The following CLPTM1L variants were observed in gnomAD, a reference collection of about 807,000 sequenced individuals.
CLPTM1L encodes the protein CLPTM1 like.
CLPTM1L carries 38 observed loss-of-function variants against 70.9 expected under a neutral mutation model. That is an observed-to-expected ratio of 0.54 (90% confidence interval 0.41 to 0.70). The LOEUF is 0.70. CLPTM1L is among the 30% of genes least tolerant of loss of function. CLPTM1L has a pLI of 0.00. For missense variants in CLPTM1L, 652 were observed against 705.9 expected, an observed-to-expected ratio of 0.92 and a Z score of 0.87; for synonymous variants, 339 against 299.9, an observed-to-expected ratio of 1.13 and a Z score of -1.35.
chr5:1,322,757 TG>T, intron 13 of CLPTM1L, 119 bp downstream of exon 13: 1 of 994,242 alleles, frequency 1.0e-6, no homozygotes, highest in Non-Finnish European at 1.6e-6. Context: ...CAGAACAGGG[TG>T]GGGAGGGATT....
In CLPTM1L at chr5:1,341,788, G is replaced by A. The variant is rs762040634; in HGVS notation, c.336C>T (p.His112=). The A allele has an allele frequency of 7.5e-5, 121 of 1,613,942 alleles. No individual in the cohort carries two copies. The highest frequency in any genetic ancestry group is 9.4e-5 in the Non-Finnish European group (111 of 1,179,988). Residue 112 remains histidine, a synonymous_variant, in exon 3 of 17, where the codon CAC becomes CAT. Transcript: ENST00000320895. ...GTLYAYIFLH[H]AGVLPWHDGK... is the part of the protein sequence containing the mutation. ...CGTCGTGCCACGGCAGGACCCCAGC[G>A]TGATGGAGGAAGATGTAGGCATACA...
At chr5:1,323,348 G>C (rs542630996) in intron 12 of CLPTM1L, among the ~76,000 whole-genome samples, 2 of 131,412 alleles carry the variant, frequency 1.5e-5, no homozygotes, top group Non-Finnish European at 3.6e-5. Context: ...CAGAGGCTGG[G>C]GGCTCCGGGA....
At position 1,318,405 on chromosome 5, in the gene CLPTM1L, G is replaced by A. The variant is rs376849052; in HGVS notation, c.1581C>T (p.Tyr527=). ...GGGGCGCCCGCGTGGCCTTCTCCTC[G>A]TAGGACTCCCCAAACTCGTTCACTC... ...KRRVNEFGES[Y]EEKATRAPHT... Residue 527 remains tyrosine (Y), a synonymous_variant, in exon 17 of 17, where the codon TAC becomes TAT. Transcript: ENST00000320895. This position sits in a 1 kb window ranked among gnomAD's most constrained non-coding sequence, Gnocchi z 8.9. 2.7e-5 allele frequency: 43 copies of A among 1,613,728 alleles called. No individual in the cohort carries two copies. Among genetic ancestry groups the A allele is most frequent in the Middle Eastern group, 1.6e-4 (1 of 6,084 alleles).
rs1560873165 is a variant in CLPTM1L at position 1,342,045 on chromosome 5, CGCACGCGT to C, written c.264-193_264-186del. On this transcript the variant is annotated intron_variant, in intron 2 of 16. Transcript: ENST00000320895. The surrounding 1 kb of genome is among the most constrained non-coding windows in gnomAD (Gnocchi z 4.3). ...GTGTGTGTGTGTGTGTGTGTGCACG[CGCACGCGT>C]GCGCGTCCTGAGAACTCGGCACAGG... is the stretch of plus-strand genomic sequence containing the variant. 3.8e-5 allele frequency among the ~76,000 whole-genome samples: 5 copies of C among 132,564 alleles called. No homozygotes were observed. The highest frequency in any genetic ancestry group is 2.2e-4 in the South Asian group (1 of 4,616). 87.0% of individuals were successfully genotyped at this position (132,564 alleles called of 152,430 possible).
At chr5:1,335,751 G>GC (rs1210375550) in intron 5 of CLPTM1L, among the ~76,000 whole-genome samples, 1 of 152,182 alleles carries the variant, frequency 6.6e-6, no homozygotes, top group African/African-American at 2.4e-5. Flanking sequence ...CCTGCAGCCT[G>GC]CCGGGGCCTC....
intron 11 of CLPTM1L, 70 bp from the exon 12 acceptor site, chr5:1,323,939 GCTCACCC>G (rs1471942147): frequency 1.4e-5 from 17 of 1,190,018 alleles, no homozygotes; most frequent in Non-Finnish European, 2.1e-5. Context: ...ACTGCATGGA[GCTCACCC>G]CGACAGGGAC....
In CLPTM1L at chr5:1,337,964, G is replaced by T; in HGVS notation, c.618C>A (p.Thr206=). 6.2e-7 allele frequency: 1 copy of T among 1,607,186 alleles called. No homozygotes were observed. Residue 206 remains threonine, a synonymous_variant, in exon 5 of 17, where the codon ACC becomes ACA. Transcript: ENST00000320895. ...TGAACAGGATGGGCAGGTAATGCAC[G>T]GTTTTCCCCAGCTGGATCCTGGGAT... ...RYMKMIQLGK[T]VHYLPILFID...
chr5:1,337,970 C>T lies in CLPTM1L; in HGVS notation c.612G>A (p.Gly204=), dbSNP rs1359615638. Residue 204 remains glycine (G), a synonymous_variant, in exon 5 of 17, where the codon GGG becomes GGA. Coordinates refer to ENST00000320895, the MANE Select transcript of CLPTM1L (RefSeq NM_030782.5). Reference sequence around the variant, plus strand: ...GGATGGGCAGGTAATGCACGGTTTTCCCCAGCTGGATCCTGGGATTAAAGC... The same window carrying T: ...GGATGGGCAGGTAATGCACGGTTTTTCCCAGCTGGATCCTGGGATTAAAGC... ...VHRYMKMIQL[G]KTVHYLPILF... is the part of the protein sequence containing the mutation. 1 of 1,606,394 alleles carries T rather than the reference C, an allele frequency of 6.2e-7. No homozygotes were observed. Among genetic ancestry groups the T allele is most frequent in the Non-Finnish European group, 8.5e-7 (1 of 1,177,482 alleles).
intron 7 of CLPTM1L, chr5:1,332,307 G>A (rs1169575173): frequency 5.7e-6 from 1 of 176,288 alleles, no homozygotes; most frequent in Non-Finnish European, 1.2e-5. Context: ...CAAGGCCAAG[G>A]CCAAAGGACC....
In CLPTM1L at chr5:1,321,309, A is replaced by T. The variant is rs140325844; in HGVS notation, c.1416+326T>A. On this transcript the variant is annotated intron_variant, in intron 15 of 16. Transcript: ENST00000320895. Reference sequence around the variant, plus strand: ...TTCCATTCCTGCCTGGGAGGCCTGAATCCGTTGTCCCCAGGCACCGGTTAC... The same window carrying T: ...TTCCATTCCTGCCTGGGAGGCCTGATTCCGTTGTCCCCAGGCACCGGTTAC... Among the ~76,000 whole-genome samples, 803 of 152,360 alleles carry T rather than the reference A, an allele frequency of 5.3e-3. 5 individuals are homozygous for T. The highest frequency in any genetic ancestry group is 0.018 in the African/African-American group (752 of 41,598).
In CLPTM1L at chr5:1,342,469, G is replaced by T; in HGVS notation, c.264-609C>A. Reference sequence around the variant, plus strand: ...AAAGGCCCGGCGAGCTGCTACAACTGTAGGCCTCGGACCAGGTGCCTGGCT... The same window carrying T: ...AAAGGCCCGGCGAGCTGCTACAACTTTAGGCCTCGGACCAGGTGCCTGGCT... On this transcript the variant is annotated intron_variant, in intron 2 of 16. Transcript: ENST00000320895. This position sits in a 1 kb window ranked among gnomAD's most constrained non-coding sequence, Gnocchi z 4.3. 6.6e-6 allele frequency among the ~76,000 whole-genome samples: 1 copy of T among 152,218 alleles called. No individual in the cohort carries two copies. The highest frequency in any genetic ancestry group is 2.1e-4 in the South Asian group (1 of 4,832).
chr5:1,321,019 GC>G (rs1039210755), intron 15 of CLPTM1L, among the ~76,000 whole-genome samples: 1 of 152,138 alleles, frequency 6.6e-6, no homozygotes, highest in African/African-American at 2.4e-5. Flanking sequence ...GGCTGGAGCC[GC>G]CCGAGACAGA....
chr5:1,325,041 C>A, intron 10 of CLPTM1L: 2 of 594,984 alleles, frequency 3.4e-6, no homozygotes, highest in Non-Finnish European at 3.0e-6. Flanking sequence ...GGGGGCAACG[C>A]GGCCTCACTG....
At position 1,321,686 on chromosome 5, in the gene CLPTM1L, C is replaced by T. The variant is rs1242189048; in HGVS notation, c.1372-7G>A. 2 of 1,613,866 alleles carry T rather than the reference C, an allele frequency of 1.2e-6. No individual in the cohort carries two copies. The highest frequency in any genetic ancestry group is 2.7e-5 in the African/African-American group (2 of 74,942). On this transcript the variant is annotated splice_region_variant and splice_polypyrimidine_tract_variant and intron_variant, in intron 14 of 16. Transcript: ENST00000320895. ...GATGTGCCACTGACTTCAACTGAAA[C>T]AGGAGAGACAGGCCCAGGTCAGCTG... is the stretch of plus-strand genomic sequence containing the variant.
intron 10 of CLPTM1L, 75 bp downstream of exon 10, chr5:1,325,676 C>A (rs1752482207): frequency 7.8e-7 from 1 of 1,284,752 alleles, no homozygotes; most frequent in Admixed American, 1.8e-5. Context: ...AGATGGCCAT[C>A]TTACTCTTTG....
Position 1,341,643 on chromosome 5 carries a change from G to A in CLPTM1L, c.453+28C>T, listed in dbSNP as rs764419456. The A allele has an allele frequency of 4.5e-6, 7 of 1,571,222 alleles. No homozygotes were observed. The South Asian group carries it at 8.0e-5, about 18-fold the overall frequency. On this transcript the variant is annotated intron_variant, in intron 3 of 16. Transcript: ENST00000320895. The stretch of plus-strand genomic sequence containing the variant: ...CCGTTCTGACGGAGAGGCACAGCCT[G>A]TTATCAGTAACCCATGAAGACCCTC...
chr5:1,320,528 G>A (rs919326230), intron 16 of CLPTM1L, 88 bp downstream of exon 16: 6 of 646,132 alleles, frequency 9.3e-6, no homozygotes, highest in African/African-American at 1.9e-5. Context: ...ATAAACAGGC[G>A]CAGGGTGCGG....
chr5:1,319,165 G>A (rs986232818), intron 16 of CLPTM1L, among the ~76,000 whole-genome samples: 6 of 152,204 alleles, frequency 3.9e-5, no homozygotes, highest in Admixed American at 1.3e-4. Flanking sequence ...GCGCAGCAGC[G>A]TCCGGGGCTC....
At chr5:1,326,678 T>C (rs1327845245) in intron 9 of CLPTM1L, among the ~76,000 whole-genome samples, 6 of 151,552 alleles carry the variant, frequency 4.0e-5, no homozygotes, top group Non-Finnish European at 5.9e-5. Context: ...ACGGGGACAT[T>C]CCATCCAGCT....
Sources: gnomAD v4.1 joint callset for allele counts (sites outside exome capture counted in the v4.1 genomes callset) on GRCh38, gnomAD v4.1.1 for gene constraint, Gnocchi (gnomAD v3.1) non-coding constraint, MANE v1.5 for transcripts, NCBI Gene and HGNC (gene_info 2026-07-23, HGNC 2026-07-21) for gene names.